FAM153A: variants seen among roughly 807,000 people sequenced by gnomAD.
FAM153A encodes family with sequence similarity 153 member A.
In FAM153A, 12 loss-of-function variants were observed where a neutral mutation model predicts 48.1. That is an observed-to-expected ratio of 0.25 (90% CI 0.16 to 0.40). The LOEUF is 0.40. FAM153A is among the 10% of genes least tolerant of loss of function. The pLI, the probability that FAM153A is intolerant of heterozygous loss-of-function variation, is 1.00. For synonymous variants in FAM153A, 36 were observed against 118.2 expected, an observed-to-expected ratio of 0.30 and a Z score of 4.51; for missense variants, 111 against 345.8, an observed-to-expected ratio of 0.32 and a Z score of 5.38.
chr5:177,757,685 A>G (rs1379876637), upstream of FAM153A, among the ~76,000 whole-genome samples: 2 of 151,486 alleles, frequency 1.3e-5, no homozygotes, highest in Non-Finnish European at 2.9e-5. Context: ...ACGCAAATCA[A>G]TAAACGTAAT....
intron 12 of FAM153A, 29 bp from the exon 15 acceptor site, chr5:177,734,962 C>G: frequency 1.3e-6 from 2 of 1,483,648 alleles, no homozygotes; most frequent in Non-Finnish European, 1.8e-6. Context: ...ACCATCAGCA[C>G]CTTGGTGGTG....
intron 14 of FAM153A, among the ~76,000 whole-genome samples, chr5:177,732,353 CAG>C (rs1488349285): frequency 1.8e-5 from 2 of 114,070 alleles, no homozygotes; most frequent in African/African-American, 5.8e-5. Flanking sequence ...CCATCTCAAA[CAG>C]GGCACACCAC....
intron 10 of FAM153A, among the ~76,000 whole-genome samples, chr5:177,737,491 C>G (rs533666085): frequency 6.0e-5 from 9 of 151,258 alleles, no homozygotes; most frequent in African/African-American, 2.2e-4. Flanking sequence ...ACATGTCCTG[C>G]TGCTGTGTAT....
intron 25 of FAM153A, chr5:177,714,053 C>T (rs4976710): frequency 4.0e-5 from 6 of 151,584 alleles, no homozygotes; most frequent in East Asian, 3.9e-4. Flanking sequence ...TCATACTTAA[C>T]GGCATTAAGA....
At chr5:177,725,507 T>A (rs1809894) in intron 18 of FAM153A, among the ~76,000 whole-genome samples, 1 of 146,098 alleles carries the variant, frequency 6.8e-6, no homozygotes, top group East Asian at 1.9e-4. Context: ...AAGGTAAAGC[T>A]CCTTGTCCCA....
chr5:177,743,197 TTTTG>T (rs1348873041), intron 6 of FAM153A, among the ~76,000 whole-genome samples: 6 of 48,078 alleles, frequency 1.2e-4, no homozygotes, highest in Middle Eastern at 0.012. Flanking sequence ...CTTGTTTTTT[TTTTG>T]TTTTGTTTTT....
At chr5:177,707,605 A>T (rs556661833), downstream of FAM153A, among the ~76,000 whole-genome samples, 9 of 151,236 alleles carry the variant, frequency 6.0e-5, 1 homozygote, top group African/African-American at 2.2e-4. Flanking sequence ...GGGAAAGGTG[A>T]CGTCCCTGAT....
At chr5:177,701,432 G>A in the FAM153A span, among the ~76,000 whole-genome samples, 1 of 151,684 alleles carries the variant, frequency 6.6e-6, no homozygotes, top group Non-Finnish European at 1.5e-5. Context: ...AGCTGTGGTG[G>A]TGCACACCTA....
downstream of FAM153A, among the ~76,000 whole-genome samples, chr5:177,703,612 G>T (rs1265007807): frequency 1.3e-5 from 2 of 148,240 alleles, no homozygotes; most frequent in Admixed American, 6.7e-5. Context: ...CGGGCATGGT[G>T]GGGGGTGATT....
upstream of FAM153A, among the ~76,000 whole-genome samples, chr5:177,781,359 G>C (rs575176828): frequency 7.1e-6 from 1 of 140,140 alleles, no homozygotes; most frequent in Non-Finnish European, 1.5e-5. Context: ...CTGACCTCGT[G>C]ATCCGCCCAC....
rs1276647083 is a variant in FAM153A, at chr5:177,768,966, G to A, written c.-57+11483C>T. 3.2e-5 allele frequency among the ~76,000 whole-genome samples: 3 copies of A among 94,738 alleles called. 1 individual carries two copies. The highest frequency in any genetic ancestry group is 6.5e-5 in the Non-Finnish European group (3 of 46,274). 62.2% of individuals were successfully genotyped at this position (94,738 alleles called of 152,430 possible). A position where few individuals can be genotyped will look rare whatever the true frequency, so the allele number is the denominator to read the frequency against. On this transcript the variant is annotated intron_variant, in intron 1 of 8. Coordinates refer to the FAM153A transcript ENST00000393518. ...CAGCCGGGTGCAGTGGCTCACACCT[G>A]TAATCCCAGCACTTTGGGAGGCCGA...
At chr5:177,755,722 A>G (rs370320449), upstream of FAM153A, among the ~76,000 whole-genome samples, 21 of 151,682 alleles carry the variant, frequency 1.4e-4, no homozygotes, top group East Asian at 2.3e-3. Flanking sequence ...AGAATTTCAT[A>G]TCCAGCCAAA....
upstream of FAM153A, among the ~76,000 whole-genome samples, chr5:177,755,341 G>A (rs1246608091): frequency 2.0e-5 from 3 of 151,876 alleles, no homozygotes; most frequent in African/African-American, 7.3e-5. Context: ...TATGTGAAAA[G>A]ACCAAATCTA....
At chr5:177,755,503 C>T (rs1298797948), upstream of FAM153A, among the ~76,000 whole-genome samples, 5 of 151,550 alleles carry the variant, frequency 3.3e-5, no homozygotes, top group Non-Finnish European at 5.9e-5. Context: ...ACATACTCCT[C>T]GAGAAGAGGA....
chr5:177,711,659 T>C lies in FAM153A; in HGVS notation c.*2903A>G, dbSNP rs541247000. ...ATTATGCCAAAAGAAGTAATGTGTTTTTGATGGTGTTATCAGATTAGATTC... is the reference window on the plus strand; with the variant it reads ...ATTATGCCAAAAGAAGTAATGTGTTCTTGATGGTGTTATCAGATTAGATTC... On this transcript the variant is annotated 3_prime_UTR_variant and NMD_transcript_variant, in exon 27 of 27. Transcript: ENST00000360669. The C allele has an allele frequency of 2.0e-5, 3 of 152,084 alleles. No homozygotes were observed. The East Asian group carries it at 5.8e-4, about 29-fold the overall frequency. The allele number at this position is 152,084 out of a possible 1,614,324, so 9.4% of individuals were successfully genotyped here. A position where few individuals can be genotyped will look rare whatever the true frequency, so the allele number is the denominator to read the frequency against.
chr5:177,700,017 T>G, the FAM153A span, among the ~76,000 whole-genome samples: 2 of 152,168 alleles, frequency 1.3e-5, no homozygotes, highest in South Asian at 4.1e-4. Flanking sequence ...CATGACCATA[T>G]GGGATTTATC....
upstream of FAM153A, among the ~76,000 whole-genome samples, chr5:177,755,804 C>G (rs1185736375): frequency 2.0e-5 from 3 of 150,260 alleles, no homozygotes; most frequent in African/African-American, 7.5e-5. Flanking sequence ...TTGTCACCAC[C>G]AGGCCTGCCC....
At chr5:177,695,790 C>A in the FAM153A span, among the ~76,000 whole-genome samples, 2 of 151,822 alleles carry the variant, frequency 1.3e-5, no homozygotes, top group South Asian at 4.2e-4. Flanking sequence ...GTTGGGTACA[C>A]CTCCCAGATG....
chr5:177,734,092 C>A lies in FAM153A; in HGVS notation c.760+288G>T, dbSNP rs1254991135. 2.5e-5 allele frequency among the ~76,000 whole-genome samples: 3 copies of A among 121,020 alleles called. 1 individual carries two copies. Among genetic ancestry groups the A allele is most frequent in the African/African-American group, 8.3e-5 (3 of 36,058 alleles). 79.4% of individuals were successfully genotyped at this position (121,020 alleles called of 152,430 possible). On this transcript the variant is annotated intron_variant, in intron 14 of 20. Coordinates refer to ENST00000614127, the Ensembl canonical transcript of FAM153A. Reference sequence around the variant, plus strand: ...TGTAGTACGGAAACCCACACACACACCCCCAGACTCACTGACCACAGCACC... The same window carrying A: ...TGTAGTACGGAAACCCACACACACAACCCCAGACTCACTGACCACAGCACC...
Sources: allele counts gnomAD v4.1 joint callset (sites outside exome capture counted in the v4.1 genomes callset), GRCh38; gene constraint gnomAD v4.1.1; transcripts MANE v1.5; gene names NCBI Gene and HGNC (gene_info 2026-07-23, HGNC 2026-07-21).